The following USE1 variants were observed in gnomAD, a reference collection of about 807,000 sequenced individuals.
USE1 encodes the protein unconventional SNARE in the ER 1.
Under a neutral mutation model 37.6 loss-of-function variants are expected in USE1, and 32 were observed. That is an observed-to-expected ratio of 0.85 (90% CI 0.64 to 1.14). The LOEUF is 1.14. Among genes scored for constraint, USE1 ranks in the 50% most tolerant of loss-of-function variants. The pLI, the probability that USE1 is intolerant of heterozygous loss-of-function variation, is 0.00. For synonymous variants in USE1, 149 were observed against 137.6 expected, an observed-to-expected ratio of 1.08 and a Z score of -0.58; for missense variants, 310 against 332.2, an observed-to-expected ratio of 0.93 and a Z score of 0.52.
intron 4 of USE1, 46 bp downstream of exon 4, chr19:17,216,367 G>T: frequency 6.3e-7 from 1 of 1,593,046 alleles, no homozygotes; most frequent in Non-Finnish European, 8.6e-7. Flanking sequence ...GACAGGAATA[G>T]GGGTTCTATG....
intron 4 of USE1, 148 bp from the exon 5 acceptor site, chr19:17,217,305 T>C (rs1177262951): frequency 1.6e-5 from 14 of 876,596 alleles, no homozygotes; most frequent in Non-Finnish European, 8.6e-6. Context: ...TGGCTAACTT[T>C]TTGTATTTTT....
At chr19:17,216,967 A>T (rs2073294471) in intron 4 of USE1, among the ~76,000 whole-genome samples, 3 of 151,656 alleles carry the variant, frequency 2.0e-5, no homozygotes, top group Admixed American at 2.0e-4. Flanking sequence ...AATAAGAGTG[A>T]AACTCCGTCT....
intron 4 of USE1, 49 bp from the exon 5 acceptor site, chr19:17,217,404 G>A: frequency 6.2e-7 from 1 of 1,604,096 alleles, no homozygotes; most frequent in Non-Finnish European, 8.5e-7. Flanking sequence ...CCAAAGTGCT[G>A]GGAGTGAGCC....
Position 17,216,268 on chromosome 19 carries a change from C to T in USE1, c.331C>T (p.Leu111=). 4.3e-6 allele frequency: 7 copies of T among 1,613,162 alleles called. No homozygotes were observed. The highest frequency in any genetic ancestry group is 5.9e-6 in the Non-Finnish European group (7 of 1,179,842). ...AGTGCCCGCCACAAAGACGGTGCAT[C>T]TGCAGTCACGGGCGCGGTACACCAG... The part of the protein sequence containing the change: ...ERVPATKTVH[L]QSRARYTSEM... Residue 111 remains leucine, a synonymous_variant, in exon 4 of 8, where the codon CTG becomes TTG. Coordinates refer to ENST00000263897, the MANE Select transcript of USE1 (RefSeq NM_018467.4).
At chr19:17,217,800 T>C in intron 5 of USE1, 2 of 398,320 alleles carry the variant, frequency 5.0e-6, no homozygotes, top group Non-Finnish European at 9.9e-6. Flanking sequence ...TAGTCCCAGC[T>C]ACTCGGGAGG....
At chr19:17,218,822 G>A (rs1219971719) in intron 6 of USE1, 2 of 66,378 alleles carry the variant, frequency 3.0e-5, no homozygotes, top group African/African-American at 7.3e-5. Flanking sequence ...GCGAGATGCT[G>A]TCTCAAAAAA....
intron 1 of USE1, 52 bp downstream of exon 1, chr19:17,215,559 C>T: frequency 6.5e-7 from 1 of 1,540,964 alleles, no homozygotes; most frequent in Non-Finnish European, 8.7e-7. Context: ...GGGGTGATTC[C>T]TAGGGTTGGA....
At chr19:17,217,636 C>G (rs576534742) in intron 5 of USE1, 174 bp downstream of exon 5, 137 of 955,250 alleles carry the variant, frequency 1.4e-4, no homozygotes, top group Middle Eastern at 8.6e-4. Flanking sequence ...CGAGAGGAAA[C>G]AAAGCTAGGC....
chr19:17,216,379 T>C (rs755172343), intron 4 of USE1, 58 bp downstream of exon 4: 2 of 1,581,802 alleles, frequency 1.3e-6, no homozygotes, highest in Admixed American at 1.7e-5. Flanking sequence ...GGTTCTATGC[T>C]TGTAGGCAGC....
At position 17,215,517 on chromosome 19, in the gene USE1, T is replaced by C. The variant is rs2073282960; in HGVS notation, c.102+10T>C. 1 of 1,553,644 alleles carries C rather than the reference T, an allele frequency of 6.4e-7. No individual in the cohort carries two copies. The highest frequency in any genetic ancestry group is 8.7e-7 in the Non-Finnish European group (1 of 1,149,826). On this transcript the variant is annotated intron_variant, in intron 1 of 7. Transcript: ENST00000263897. ...GTGGCGCCTGGAGAAGGTGAGGGGATCTCGCACTGCCGCGTAGAGCCCGAC... is the reference window on the plus strand; with the variant it reads ...GTGGCGCCTGGAGAAGGTGAGGGGACCTCGCACTGCCGCGTAGAGCCCGAC...
Position 17,217,443 on chromosome 19 carries a change from C to A in USE1, c.385-10C>A. 1 of 1,610,808 alleles carries A rather than the reference C, an allele frequency of 6.2e-7. No individual in the cohort carries two copies. Among genetic ancestry groups the A allele is most frequent in the South Asian group, 1.1e-5 (1 of 90,622 alleles). On this transcript the variant is annotated splice_polypyrimidine_tract_variant and intron_variant, in intron 4 of 7. Transcript: ENST00000263897. ...GCACCCAGCCTCATGCCACTTACTT[C>A]TTTCCACAGGACTCTGCAGGTGAGT...
At chr19:17,218,219 T>C in intron 5 of USE1, 145 bp from the exon 6 acceptor site, 1 of 1,117,864 alleles carries the variant, frequency 8.9e-7, no homozygotes, top group Non-Finnish European at 1.3e-6. Flanking sequence ...AGAGGGGGTA[T>C]TCAAGCATGG....
chr19:17,219,609 A>C (rs2073312764), intron 7 of USE1, 22 bp from the exon 8 acceptor site: 1 of 1,582,494 alleles, frequency 6.3e-7, no homozygotes, highest in African/African-American at 1.3e-5. Context: ...TCCTGTTGAC[A>C]CCTTTTCCAC....
chr19:17,215,415 T>C lies in USE1; in HGVS notation c.10T>C (p.Ser4Pro). 6.4e-7 allele frequency: 1 copy of C among 1,558,034 alleles called. No individual in the cohort carries two copies. The highest frequency in any genetic ancestry group is 8.7e-7 in the Non-Finnish European group (1 of 1,152,360). ...GTAGGGCCGGGCGATAATGGCGGCG[T>C]CGAGGCTGGAGCTAAACCTGGTGCG... is the stretch of plus-strand genomic sequence containing the variant. The part of the protein sequence containing the change: MAA[S>P]RLELNLVRLL... The change falls in exon 1 of 8, where the codon TCG (serine) becomes CCG (proline). Residue 4 changes from serine to proline, a missense_variant. Physicochemically the swap from Ser to Pro is moderately conservative, Grantham distance 74 (BLOSUM62 -1). Transcript: ENST00000263897.
At chr19:17,218,890 A>G in intron 6 of USE1, 1 of 173,204 alleles carries the variant, frequency 5.8e-6, no homozygotes, top group Non-Finnish European at 1.2e-5. Flanking sequence ...GCACTTTGGG[A>G]GGCCGAGGCA....
At chr19:17,219,438 G>A (rs2073311901) in intron 7 of USE1, 51 bp downstream of exon 7, 2 of 1,514,252 alleles carry the variant, frequency 1.3e-6, no homozygotes, top group East Asian at 4.9e-5. Context: ...CATCAGAGAA[G>A]GCTTCCCAGC....
intron 7 of USE1, 77 bp downstream of exon 7, chr19:17,219,464 C>T (rs2073312040): frequency 6.8e-7 from 1 of 1,474,244 alleles, no homozygotes; most frequent in Non-Finnish European, 9.1e-7. Context: ...AGCATTGTGG[C>T]TGGGGCTTTG....
intron 4 of USE1, 24 bp downstream of exon 4, chr19:17,216,345 GGGAATCCCTTGGACA>G: frequency 6.2e-7 from 1 of 1,603,598 alleles, no homozygotes; most frequent in Non-Finnish European, 8.5e-7. Context: ...CCTGGTCCCT[GGGAATCCCTTGGACA>G]GGAATAGGGG....
chr19:17,215,551 G>A (rs1295153795), intron 1 of USE1, 44 bp downstream of exon 1: 8 of 1,543,648 alleles, frequency 5.2e-6, no homozygotes, highest in Non-Finnish European at 7.0e-6. Flanking sequence ...ACTCCCGGGG[G>A]GTGATTCCTA....
Sources: allele counts gnomAD v4.1 joint callset (sites outside exome capture counted in the v4.1 genomes callset), GRCh38; gene constraint gnomAD v4.1.1; transcripts MANE v1.5; gene names NCBI Gene and HGNC (gene_info 2026-07-23, HGNC 2026-07-21).